The following PLXNA2 variants were observed in gnomAD, a reference collection of about 807,000 sequenced individuals.
PLXNA2 encodes the protein plexin-A2.
PLXNA2 carries 91 observed loss-of-function variants against 193.5 expected under a neutral mutation model. That is an observed-to-expected ratio of 0.47 (90% CI 0.40 to 0.56). The LOEUF (loss-of-function observed/expected upper bound fraction) is 0.56, where lower values mean the gene tolerates loss of function less well. PLXNA2 is among the 20% of genes least tolerant of loss of function. PLXNA2 has a pLI of 0.00. For missense variants in PLXNA2, 1,995 were observed against 2,503.2 expected (o/e 0.80, Z 4.33); for synonymous variants, 997 against 1,027.3 (o/e 0.97, Z 0.56).
At chr1:208,138,602 T>C (rs1668370811) in intron 4 of PLXNA2, among the ~76,000 whole-genome samples, 1 of 152,256 alleles carries the variant, frequency 6.6e-6, no homozygotes, top group Non-Finnish European at 1.5e-5. Flanking sequence ...AACATTATGC[T>C]GACCGGGCGC....
chr1:208,165,539 C>G (rs917334576), intron 3 of PLXNA2, among the ~76,000 whole-genome samples: 2 of 152,196 alleles, frequency 1.3e-5, no homozygotes, highest in African/African-American at 4.8e-5. Context: ...ATTCTCTCCA[C>G]GATTTTGTTC....
intron 12 of PLXNA2, among the ~76,000 whole-genome samples, chr1:208,062,078 A>T (rs1396740597): frequency 6.6e-6 from 1 of 152,124 alleles, no homozygotes; most frequent in Non-Finnish European, 1.5e-5. Context: ...GGAGCAAAAA[A>T]AAAGGGGACT....
chr1:208,112,959 A>G (rs995020502), intron 4 of PLXNA2, among the ~76,000 whole-genome samples: 3 of 150,646 alleles, frequency 2.0e-5, no homozygotes, highest in African/African-American at 7.3e-5. Context: ...CTAGGGAGGT[A>G]GAAGTAGGAC....
rs1664328906 is a variant in PLXNA2, at chr1:208,025,871, CAGAA to C, written c.*1368_*1371del. The C allele has an allele frequency of 6.6e-6, 1 of 152,526 alleles. No homozygotes were observed. The highest frequency in any genetic ancestry group is 1.5e-5 in the Non-Finnish European group (1 of 68,044). 9.4% of individuals were successfully genotyped at this position (152,526 alleles called of 1,614,324 possible). A position where few individuals can be genotyped will look rare whatever the true frequency, so the allele number is the denominator to read the frequency against. The stretch of plus-strand genomic sequence containing the variant: ...TTCACACTCACAAGTCCGTGAGAGG[CAGAA>C]AGAGAGGCAGAAGGTAGTAACGTGG... On this transcript the variant is annotated 3_prime_UTR_variant, in exon 32 of 32. Coordinates refer to ENST00000367033, the MANE Select transcript of PLXNA2 (RefSeq NM_025179.4).
chr1:208,059,450 T>C (rs1665544493), intron 13 of PLXNA2, among the ~76,000 whole-genome samples: 1 of 152,208 alleles, frequency 6.6e-6, no homozygotes, highest in Non-Finnish European at 1.5e-5. Context: ...CCTCAGAGTC[T>C]GGGAATTCAC....
At chr1:208,238,232 C>G (rs779362611) in intron 1 of PLXNA2, among the ~76,000 whole-genome samples, 1 of 152,170 alleles carries the variant, frequency 6.6e-6, no homozygotes, top group Admixed American at 6.6e-5. Flanking sequence ...CACTCGGAGC[C>G]CTGGGATCCC....
At chr1:208,113,948 G>T (rs754638767) in intron 4 of PLXNA2, among the ~76,000 whole-genome samples, 1 of 152,172 alleles carries the variant, frequency 6.6e-6, no homozygotes, top group Non-Finnish European at 1.5e-5. Context: ...AGGAGCCCAA[G>T]AAGAAGCTGG....
chr1:208,200,311 T>C (rs1572024938), intron 3 of PLXNA2, among the ~76,000 whole-genome samples: 1 of 152,324 alleles, frequency 6.6e-6, no homozygotes, highest in Non-Finnish European at 1.5e-5. Context: ...TTCATCTCCA[T>C]GTATTTCCTG....
intron 12 of PLXNA2, among the ~76,000 whole-genome samples, chr1:208,068,930 A>T (rs1395928460): frequency 6.6e-6 from 1 of 152,196 alleles, no homozygotes; most frequent in African/African-American, 2.4e-5. Context: ...ACTGATATCT[A>T]TTGACTGGTT....
At chr1:208,185,907 G>A (rs1276108343) in intron 3 of PLXNA2, among the ~76,000 whole-genome samples, 1 of 152,090 alleles carries the variant, frequency 6.6e-6, no homozygotes, top group Non-Finnish European at 1.5e-5. Context: ...GTGAGCAGGA[G>A]GGCAGGGCAG....
chr1:208,050,823 T>C (rs1466866169), intron 17 of PLXNA2, among the ~76,000 whole-genome samples, 186 bp downstream of exon 17: 1 of 151,682 alleles, frequency 6.6e-6, no homozygotes. Flanking sequence ...GGTGAGGCCA[T>C]GTCTTAAAAA....
At chr1:208,109,006 T>TTCTTCCCTGGAA (rs201028637) in intron 4 of PLXNA2, among the ~76,000 whole-genome samples, 2 of 152,166 alleles carry the variant, frequency 1.3e-5, no homozygotes, top group African/African-American at 4.8e-5. Context: ...TTTAATCTCT[T>TTCTTCCCTGGAA]TCTTCCCTGG....
rs1045974771 is a variant in PLXNA2 at position 208,022,825 on chromosome 1, G to A, written c.*4418C>T. On this transcript the variant is annotated 3_prime_UTR_variant, in exon 32 of 32. Transcript: ENST00000367033. ...GCTGAAGGGAGAGCTTCTCTGCTGT[G>A]AGAAGAATGAGATGTGGGTGTCCAC... 6.6e-6 allele frequency: 1 copy of A among 152,222 alleles called. No homozygotes were observed. The highest frequency in any genetic ancestry group is 1.5e-5 in the Non-Finnish European group (1 of 68,052). The allele number at this position is 152,222 out of a possible 1,614,324, so 9.4% of individuals were successfully genotyped here.
chr1:208,159,848 C>A (rs1402814399), intron 3 of PLXNA2, among the ~76,000 whole-genome samples: 1 of 152,196 alleles, frequency 6.6e-6, no homozygotes, highest in African/African-American at 2.4e-5. Flanking sequence ...TGAACCTGTG[C>A]TTCCAGAGCC....
At chr1:208,111,272 T>C (rs1013822936) in intron 4 of PLXNA2, among the ~76,000 whole-genome samples, 5 of 152,080 alleles carry the variant, frequency 3.3e-5, no homozygotes, top group African/African-American at 1.2e-4. Flanking sequence ...CTCCCTATGT[T>C]TCCCAGGCTA....
intron 1 of PLXNA2, among the ~76,000 whole-genome samples, chr1:208,218,884 C>T (rs892309424): frequency 2.6e-5 from 4 of 152,198 alleles, no homozygotes; most frequent in Non-Finnish European, 5.9e-5. Flanking sequence ...GAAGCCAGGA[C>T]ACACAGAGAA....
intron 22 of PLXNA2, among the ~76,000 whole-genome samples, chr1:208,041,697 T>C (rs12406802): frequency 0.026 from 3,995 of 152,340 alleles, 135 homozygotes; most frequent in East Asian, 0.1. Flanking sequence ...TAGGGGCCGC[T>C]GTGCCGGACA....
chr1:208,059,595 T>C (rs1665550323), intron 13 of PLXNA2, among the ~76,000 whole-genome samples: 1 of 152,218 alleles, frequency 6.6e-6, no homozygotes, highest in Non-Finnish European at 1.5e-5. Context: ...GGAAGGGAAG[T>C]AGCCCTGCAT....
Position 208,079,158 on chromosome 1 carries a change from G to A in PLXNA2, c.2586+102C>T, listed in dbSNP as rs527922033. The A allele has an allele frequency of 9.5e-5, 95 of 997,824 alleles. No homozygotes were observed. The African/African-American group carries it at 1.3e-3, about 14-fold the overall frequency. The allele number at this position is 997,824 out of a possible 1,614,324, so 61.8% of individuals were successfully genotyped here. A position where few individuals can be genotyped will look rare whatever the true frequency, so the allele number is the denominator to read the frequency against. On this transcript the variant is annotated intron_variant, in intron 12 of 31. Transcript: ENST00000367033. ...CCCCCCCACATTAAACTCACTGTAC[G>A]CCAATAATTTGTCCACAGAGTCTCA...
Sources: gnomAD v4.1 joint callset for allele counts (sites outside exome capture counted in the v4.1 genomes callset) on GRCh38, gnomAD v4.1.1 for gene constraint, MANE v1.5 for transcripts, NCBI Gene and HGNC (gene_info 2026-07-23, HGNC 2026-07-21) for gene names.